The following HACD2 variants were observed in gnomAD, a reference collection of about 807,000 sequenced individuals.
The protein encoded by HACD2 is very-long-chain (3R)-3-hydroxyacyl-CoA dehydratase 2.
HACD2 carries 15 observed loss-of-function variants against 31.0 expected under a neutral mutation model. The observed-to-expected ratio is 0.48, with a 90% CI of 0.32 to 0.75. The LOEUF (loss-of-function observed/expected upper bound fraction) is 0.75, where lower values mean the gene tolerates loss of function less well. Among genes scored for constraint, HACD2 ranks in the 30% least tolerant of loss-of-function variants. The pLI is 0.03. For synonymous variants in HACD2, 115 were observed against 122.2 expected (o/e 0.94, Z 0.39); for missense variants, 283 against 313.0 (o/e 0.90, Z 0.72).
chr3:123,494,837 T>G lies in HACD2; in HGVS notation c.*51A>C, dbSNP rs2055812808. 1.5e-5 allele frequency: 18 copies of G among 1,217,814 alleles called. No homozygotes were observed. The highest frequency in any genetic ancestry group is 1.9e-5 in the Non-Finnish European group (16 of 849,516). 75.4% of individuals were successfully genotyped at this position (1,217,814 alleles called of 1,614,324 possible). A position where few individuals can be genotyped will look rare whatever the true frequency, so the allele number is the denominator to read the frequency against. ...TTGGGAACTCAAAAAATCTGCAGCA[T>G]TTTTTGATCATTGAAAAGTTTGTTT... is the stretch of plus-strand genomic sequence containing the variant. On this transcript the variant is annotated 3_prime_UTR_variant, in exon 7 of 7. Transcript: ENST00000383657.
Position 123,500,574 on chromosome 3 carries a change from T to C in HACD2, c.623A>G (p.Tyr208Cys). The change falls in exon 6 of 7, where the codon TAC becomes TGC. Residue 208 changes from tyrosine to cysteine, a missense_variant. Transcript: ENST00000383657. ...GLYSISLPNK[Y>C]NFSFDYYAFL... is the part of the protein sequence containing the mutation. ...TGCATAGTAGTCAAAAGAGAAATTGTATTTGTTGGGTAAACTGATGGAATA... is the reference window on the plus strand; with the variant it reads ...TGCATAGTAGTCAAAAGAGAAATTGCATTTGTTGGGTAAACTGATGGAATA... 6.2e-7 allele frequency: 1 copy of C among 1,612,326 alleles called. No homozygotes were observed. Among genetic ancestry groups the C allele is most frequent in the Non-Finnish European group, 8.5e-7 (1 of 1,178,406 alleles).
rs188862222 is a variant in HACD2, at chr3:123,539,513, T to A, written c.293-11039A>T. Among the ~76,000 whole-genome samples the A allele has an allele frequency of 6.8e-5, 10 of 147,842 alleles. No homozygotes were observed. The East Asian group carries it at 2.0e-3, about 30-fold the overall frequency. Reference sequence around the variant, plus strand: ...TGAACCCAGGAGGGCAAGGCTGCAGTGAGCCGAGATCTCACCACTACACTC... The same window carrying A: ...TGAACCCAGGAGGGCAAGGCTGCAGAGAGCCGAGATCTCACCACTACACTC... On this transcript the variant is annotated intron_variant, in intron 3 of 6. Coordinates refer to ENST00000383657, the MANE Select transcript of HACD2 (RefSeq NM_198402.5).
At chr3:123,577,079 T>C (rs2056915203) in intron 2 of HACD2, among the ~76,000 whole-genome samples, 1 of 152,142 alleles carries the variant, frequency 6.6e-6, no homozygotes, top group Admixed American at 6.5e-5. Context: ...TTGGGTTGTT[T>C]ATTCATTTTT....
chr3:123,572,350 T>C (rs151167938), intron 2 of HACD2, among the ~76,000 whole-genome samples: 1 of 151,952 alleles, frequency 6.6e-6, no homozygotes, highest in Non-Finnish European at 1.5e-5. Context: ...CTACAAAAAA[T>C]TTTAAAAACT....
chr3:123,530,995 G>A (rs2056354045), intron 3 of HACD2, among the ~76,000 whole-genome samples: 1 of 151,966 alleles, frequency 6.6e-6, no homozygotes, highest in South Asian at 2.1e-4. Context: ...AGCCTCCCGA[G>A]TGGCTGGGAT....
intron 3 of HACD2, among the ~76,000 whole-genome samples, chr3:123,545,151 T>TC (rs1213625762): frequency 2.6e-5 from 4 of 151,458 alleles, no homozygotes; most frequent in Non-Finnish European, 5.9e-5. Context: ...TTTTTTTTTT[T>TC]TTTTAAACAA....
intron 3 of HACD2, among the ~76,000 whole-genome samples, chr3:123,537,144 G>A (rs1467656241): frequency 6.6e-6 from 1 of 152,030 alleles, no homozygotes; most frequent in Non-Finnish European, 1.5e-5. Flanking sequence ...TAGGAGTGAG[G>A]GAAGAGATAC....
chr3:123,537,580 CACAT>C (rs767719976), intron 3 of HACD2, among the ~76,000 whole-genome samples: 11,015 of 144,348 alleles, frequency 0.076, 479 homozygotes, highest in African/African-American at 0.14. Flanking sequence ...ACAACAAATA[CACAT>C]ACACACACAC....
chr3:123,495,785 G>A (rs1023180914), intron 6 of HACD2, among the ~76,000 whole-genome samples: 1 of 152,280 alleles, frequency 6.6e-6, no homozygotes, highest in East Asian at 1.9e-4. Context: ...AAGGGAGAAA[G>A]GGAAAGGTTA....
intron 4 of HACD2, among the ~76,000 whole-genome samples, chr3:123,521,602 A>G (rs2056216125): frequency 8.5e-6 from 1 of 118,146 alleles, no homozygotes; most frequent in African/African-American, 4.3e-5. Flanking sequence ...GAGAGAGCCA[A>G]AAAAAAAAAA....
At chr3:123,497,477 T>G (rs1015158606) in intron 6 of HACD2, among the ~76,000 whole-genome samples, 2 of 152,168 alleles carry the variant, frequency 1.3e-5, no homozygotes, top group African/African-American at 4.8e-5. Flanking sequence ...CAGCACCAGA[T>G]ATGCTCTCTG....
intron 4 of HACD2, among the ~76,000 whole-genome samples, chr3:123,524,972 G>A (rs531163313): frequency 6.6e-6 from 1 of 152,288 alleles, no homozygotes; most frequent in East Asian, 1.9e-4. Flanking sequence ...AAGAGAGAAT[G>A]ATCATAACGT....
intron 3 of HACD2, among the ~76,000 whole-genome samples, chr3:123,558,619 T>C (rs941338099): frequency 2.0e-5 from 3 of 152,082 alleles, no homozygotes; most frequent in African/African-American, 7.2e-5. Context: ...TTACAGTGAA[T>C]GAAGAGAAAA....
intron 4 of HACD2, among the ~76,000 whole-genome samples, chr3:123,520,326 A>G (rs1419600555): frequency 6.6e-6 from 1 of 152,358 alleles, no homozygotes; most frequent in East Asian, 1.9e-4. Context: ...TACACATAAG[A>G]TAAAATATAT....
chr3:123,516,482 C>T (rs1376861672), intron 4 of HACD2, among the ~76,000 whole-genome samples: 1 of 152,144 alleles, frequency 6.6e-6, no homozygotes, highest in African/African-American at 2.4e-5. Context: ...GATCCGCCCA[C>T]CTCGGCCTCC....
intron 6 of HACD2, chr3:123,499,475 G>T (rs896597947): frequency 5.5e-6 from 2 of 366,622 alleles, no homozygotes; most frequent in Admixed American, 3.3e-5. Flanking sequence ...CTGTATCCAA[G>T]AATTTCTGCA....
intron 4 of HACD2, among the ~76,000 whole-genome samples, chr3:123,504,424 A>C (rs561342470): frequency 6.6e-6 from 1 of 152,238 alleles, no homozygotes; most frequent in East Asian, 1.9e-4. Context: ...TCAATAAATA[A>C]TTGCGGAGCA....
At chr3:123,552,704 A>G (rs1239534237) in intron 3 of HACD2, among the ~76,000 whole-genome samples, 4 of 152,202 alleles carry the variant, frequency 2.6e-5, no homozygotes, top group African/African-American at 9.6e-5. Context: ...AAAAAAATAC[A>G]TGTTTAATCA....
In HACD2 at chr3:123,570,273, AAAG is replaced by A. The variant is rs904082071; in HGVS notation, c.274-2496_274-2494del. The stretch of plus-strand genomic sequence containing the variant: ...AAATACAATGTCCCAATTGATACAC[AAAG>A]AAGAAATAAAGTAATTTATTTTTCA... On this transcript the variant is annotated intron_variant, in intron 2 of 6. Transcript: ENST00000383657. Among the ~76,000 whole-genome samples, 11 of 152,190 alleles carry A rather than the reference AAAG, an allele frequency of 7.2e-5. No homozygotes were observed. In the East Asian group the frequency reaches 1.7e-3, roughly 24 times the overall value.
Sources: allele counts gnomAD v4.1 joint callset (sites outside exome capture counted in the v4.1 genomes callset), GRCh38; gene constraint gnomAD v4.1.1; transcripts MANE v1.5; gene names NCBI Gene and HGNC (gene_info 2026-07-23, HGNC 2026-07-21).